DYNLT2B: variants seen among roughly 807,000 people sequenced by gnomAD.
DYNLT2B encodes the protein dynein light chain Tctex-type protein 2B.
Under a neutral mutation model 19.5 loss-of-function variants are expected in DYNLT2B, and 14 were observed. That is an observed-to-expected ratio of 0.72 (90% CI 0.47 to 1.12). The LOEUF (loss-of-function observed/expected upper bound fraction) is 1.12, where lower values mean the gene tolerates loss of function less well. Among genes scored for constraint, DYNLT2B ranks in the 50% most tolerant of loss-of-function variants. The probability of loss-of-function intolerance (pLI) is 0.00; values close to 1 mark genes in which losing one functional copy is unlikely to be tolerated. For synonymous variants in DYNLT2B, 70 were observed against 59.7 expected, an observed-to-expected ratio of 1.17 and a Z score of -0.79; for missense variants, 133 against 174.7, an observed-to-expected ratio of 0.76 and a Z score of 1.35.
chr3:196,307,338 G>A (rs1726514905), intron 2 of DYNLT2B, among the ~76,000 whole-genome samples: 1 of 152,080 alleles, frequency 6.6e-6, no homozygotes, highest in East Asian at 1.9e-4. Context: ...TTCTCACTCT[G>A]TTGCCCAGGC....
chr3:196,296,421 A>G (rs1726224367), intron 3 of DYNLT2B: 1 of 175,840 alleles, frequency 5.7e-6, no homozygotes, highest in Non-Finnish European at 1.2e-5. Flanking sequence ...AAAGAGCCCA[A>G]CAGATTTAGT....
intron 3 of DYNLT2B, among the ~76,000 whole-genome samples, chr3:196,299,090 CTT>C (rs1419829806): frequency 3.3e-5 from 4 of 119,430 alleles, no homozygotes; most frequent in Admixed American, 8.4e-5. Context: ...TTTTTTTTTT[CTT>C]TTTTTTTTTT....
chr3:196,308,383 G>A (rs747108922), intron 2 of DYNLT2B, among the ~76,000 whole-genome samples: 3 of 152,080 alleles, frequency 2.0e-5, no homozygotes, highest in Non-Finnish European at 4.4e-5. Context: ...ACTGTAAGCT[G>A]TTCAGTAAGA....
chr3:196,318,197 C>T lies in DYNLT2B; in HGVS notation c.-45G>A, dbSNP rs1029397534. On this transcript the variant is annotated 5_prime_UTR_variant, in exon 1 of 5. Coordinates refer to ENST00000325318, the MANE Select transcript of DYNLT2B (RefSeq NM_152773.5). ...GGCGTAGCTCGCGATGAAGGCCTAGCGGGTTGCGGTCGCGGCCGGCAGCAG... is the reference window on the plus strand; with the variant it reads ...GGCGTAGCTCGCGATGAAGGCCTAGTGGGTTGCGGTCGCGGCCGGCAGCAG... 1.6e-6 allele frequency: 2 copies of T among 1,233,578 alleles called. No individual in the cohort carries two copies. The highest frequency in any genetic ancestry group is 2.2e-6 in the Non-Finnish European group (2 of 913,600). 76.4% of individuals were successfully genotyped at this position (1,233,578 alleles called of 1,614,324 possible).
chr3:196,303,221 C>T (rs61138415), intron 3 of DYNLT2B, among the ~76,000 whole-genome samples: 47,338 of 150,578 alleles, frequency 0.31, 8,360 homozygotes, highest in East Asian at 0.81. Context: ...GGCTCACTGG[C>T]TCTCCACACC....
intron 2 of DYNLT2B, among the ~76,000 whole-genome samples, chr3:196,311,288 G>A (rs941809303): frequency 2.0e-5 from 3 of 151,974 alleles, no homozygotes; most frequent in South Asian, 2.1e-4. Flanking sequence ...GGTGGCAGGC[G>A]CCTGTAGTCC....
chr3:196,299,779 A>C (rs1726306228), intron 3 of DYNLT2B, among the ~76,000 whole-genome samples: 1 of 151,946 alleles, frequency 6.6e-6, no homozygotes, highest in African/African-American at 2.4e-5. Flanking sequence ...AAAATACAAA[A>C]AATTAGCCGG....
At chr3:196,293,726 C>T (rs1726150252) in intron 4 of DYNLT2B, among the ~76,000 whole-genome samples, 1 of 146,816 alleles carries the variant, frequency 6.8e-6, no homozygotes, top group Non-Finnish European at 1.5e-5. Flanking sequence ...CTCACTGCAA[C>T]CTCTGCCTCC....
intron 4 of DYNLT2B, among the ~76,000 whole-genome samples, chr3:196,294,056 T>C (rs1392037035): frequency 6.6e-6 from 1 of 151,512 alleles, no homozygotes; most frequent in African/African-American, 2.4e-5. Context: ...AAGCATAAAA[T>C]AAAACTTTGG....
intron 2 of DYNLT2B, chr3:196,315,252 A>G: frequency 2.4e-6 from 1 of 410,946 alleles, no homozygotes; most frequent in Non-Finnish European, 4.7e-6. Context: ...GAGATGTTTT[A>G]TTTTTTTATT....
chr3:196,317,163 GTGTGTGTGTGTGTGTGTGT>G, intron 1 of DYNLT2B, among the ~76,000 whole-genome samples: 1 of 118,284 alleles, frequency 8.5e-6, no homozygotes, highest in Admixed American at 9.1e-5. Flanking sequence ...CAGTGTGTGT[GTGTGTGTGTGTGTGTGTGT>G]TGTGTGTGTG....
At position 196,310,618 on chromosome 3, in the gene DYNLT2B, C is replaced by T. The variant is rs184016600; in HGVS notation, c.248-3606G>A. On this transcript the variant is annotated intron_variant, in intron 2 of 4. Transcript: ENST00000325318. ...TAAATTTTATATTTTAGTAGAGACA[C>T]GGTTTCACCATGTTGCCCAGGCTGG... is the stretch of plus-strand genomic sequence containing the variant. 6.7e-5 allele frequency among the ~76,000 whole-genome samples: 10 copies of T among 149,064 alleles called. No homozygotes were observed. In the East Asian group the frequency reaches 1.8e-3, roughly 27 times the overall value.
chr3:196,298,042 C>A (rs1056714467), intron 3 of DYNLT2B: 4 of 200,018 alleles, frequency 2.0e-5, no homozygotes, highest in Admixed American at 9.9e-5. Context: ...AATATGTGTG[C>A]CAGCTCACGT....
intron 3 of DYNLT2B, among the ~76,000 whole-genome samples, chr3:196,297,242 A>G (rs1237721610): frequency 1.3e-5 from 2 of 152,062 alleles, no homozygotes; most frequent in African/African-American, 4.8e-5. Context: ...TGAAAAAAAT[A>G]GGCTGGGCAT....
At chr3:196,310,937 T>A (rs555623802) in intron 2 of DYNLT2B, among the ~76,000 whole-genome samples, 3 of 152,006 alleles carry the variant, frequency 2.0e-5, no homozygotes, top group African/African-American at 7.2e-5. Flanking sequence ...GGTTTCACCA[T>A]GTTGCCCAGG....
At chr3:196,316,013 CTT>C (rs1458425041) in intron 2 of DYNLT2B, 83 bp downstream of exon 2, 2 of 1,472,546 alleles carry the variant, frequency 1.4e-6, no homozygotes, top group African/African-American at 1.4e-5. Context: ...CCCCAATGTC[CTT>C]TGTTTAAAGA....
chr3:196,300,600 G>A (rs1411979534), intron 3 of DYNLT2B, among the ~76,000 whole-genome samples: 3 of 150,966 alleles, frequency 2.0e-5, no homozygotes, highest in African/African-American at 7.3e-5. Flanking sequence ...GTGGTGGCGT[G>A]CGTCTCTAAT....
intron 4 of DYNLT2B, among the ~76,000 whole-genome samples, chr3:196,293,768 C>A (rs1193148382): frequency 6.7e-6 from 1 of 150,302 alleles, no homozygotes; most frequent in Non-Finnish European, 1.5e-5. Context: ...CCTCAGCCTC[C>A]CGAGTAGCTG....
At chr3:196,304,672 C>T (rs1165321017) in intron 3 of DYNLT2B, among the ~76,000 whole-genome samples, 1 of 148,198 alleles carries the variant, frequency 6.7e-6, no homozygotes, top group Non-Finnish European at 1.5e-5. Flanking sequence ...GCCTGGGAGA[C>T]AAAAGCGAAA....
Sources: allele counts gnomAD v4.1 joint callset (sites outside exome capture counted in the v4.1 genomes callset), GRCh38; gene constraint gnomAD v4.1.1; transcripts MANE v1.5; gene names NCBI Gene and HGNC (gene_info 2026-07-23, HGNC 2026-07-21).